ST14: variants seen among roughly 807,000 people sequenced by gnomAD.
ST14 encodes the protein ST14 transmembrane serine protease matriptase, also known as suppressor of tumorigenicity 14 protein.
Under a neutral mutation model 96.5 loss-of-function variants are expected in ST14, and 40 were observed. That is an observed-to-expected ratio of 0.41 (90% CI 0.32 to 0.54). The LOEUF is 0.54. Among genes scored for constraint, ST14 ranks in the 20% least tolerant of loss-of-function variants. ST14 has a pLI of 0.17. For synonymous variants in ST14, 506 were observed against 492.1 expected (o/e 1.03, Z -0.37); for missense variants, 1,066 against 1,188.9 (o/e 0.90, Z 1.52).
intron 7 of ST14, among the ~76,000 whole-genome samples, chr11:130,190,904 A>G (rs1224355291): frequency 6.6e-6 from 1 of 152,274 alleles, no homozygotes. Context: ...GGCAAAGCAG[A>G]GGAAGGCTCT....
chr11:130,161,781 T>TGCCGAGTTAGTTCA (rs1953000731), intron 1 of ST14, among the ~76,000 whole-genome samples: 1 of 152,250 alleles, frequency 6.6e-6, no homozygotes, highest in Non-Finnish European at 1.5e-5. Flanking sequence ...TTTATTGAAC[T>TGCCGAGTTAGTTCA]AACTCAGTAC....
chr11:130,169,680 T>G (rs1160044551), intron 1 of ST14, among the ~76,000 whole-genome samples: 2 of 152,168 alleles, frequency 1.3e-5, no homozygotes, highest in Non-Finnish European at 2.9e-5. Flanking sequence ...GATACAGTTT[T>G]ATGAGGTGTG....
intron 16 of ST14, among the ~76,000 whole-genome samples, chr11:130,202,267 C>T (rs999018410): frequency 5.3e-5 from 8 of 152,134 alleles, no homozygotes; most frequent in South Asian, 2.1e-4. Context: ...CTTCTGCCAA[C>T]GAGTAGTGCA....
chr11:130,190,188 G>C (rs372555495), intron 6 of ST14, 40 bp downstream of exon 6: 80 of 1,613,726 alleles, frequency 5.0e-5, no homozygotes, highest in Non-Finnish European at 6.8e-5. Flanking sequence ...GTGGGGAAGA[G>C]GCGGGATGTG....
At chr11:130,190,747 AG>A (rs1953289148) in intron 7 of ST14, 53 bp downstream of exon 7, 9 of 1,518,002 alleles carry the variant, frequency 5.9e-6, no homozygotes, top group South Asian at 3.8e-5. Context: ...GCTGCCCTGT[AG>A]GGGGCCAGCT....
At position 130,184,556 on chromosome 11, in the gene ST14, C is replaced by A. The variant is rs187331472; in HGVS notation, c.82-3558C>A. 5.0e-4 allele frequency among the ~76,000 whole-genome samples: 76 copies of A among 152,312 alleles called. 1 individual carries two copies. The Middle Eastern group carries it at 0.01, about 20-fold the overall frequency. ...TCTTGGAAACATCCTTTCAGTATTT[C>A]TTTGGTAATGGTCTCTTCTCTGCCA... On this transcript the variant is annotated intron_variant, in intron 1 of 18. Coordinates refer to ENST00000278742, the MANE Select transcript of ST14 (RefSeq NM_021978.4).
intron 1 of ST14, among the ~76,000 whole-genome samples, chr11:130,172,272 T>TTTAAA (rs1468368908): frequency 6.6e-6 from 1 of 151,564 alleles, no homozygotes; most frequent in African/African-American, 2.4e-5. Flanking sequence ...AGCTAATTTT[T>TTTAAA]TTAAAAAATT....
intron 7 of ST14, among the ~76,000 whole-genome samples, chr11:130,193,417 C>A (rs1953324826): frequency 6.6e-6 from 1 of 151,884 alleles, no homozygotes; most frequent in Admixed American, 6.6e-5. Context: ...TCTGATTGAG[C>A]CCACAGTTTA....
At position 130,194,588 on chromosome 11, in the gene ST14, C is replaced by G. The variant is rs1448204799; in HGVS notation, c.1016-52C>G. The G allele has an allele frequency of 7.5e-6, 12 of 1,589,976 alleles. No individual in the cohort carries two copies. The East Asian group carries it at 2.7e-4, about 36-fold the overall frequency. ...AGGCTGCAGAGCCCTCGTCCGCCTG[C>G]TCGGCCGGGCAGGTTCCTGATCCTC... On this transcript the variant is annotated intron_variant, in intron 8 of 18. Coordinates refer to ENST00000278742, the MANE Select transcript of ST14 (RefSeq NM_021978.4).
At chr11:130,192,151 G>A (rs1049735858) in intron 7 of ST14, among the ~76,000 whole-genome samples, 7 of 152,220 alleles carry the variant, frequency 4.6e-5, no homozygotes, top group East Asian at 1.9e-4. Flanking sequence ...AGAGCCTTCC[G>A]TGGCTGTCTA....
chr11:130,180,439 A>T (rs755519730), intron 1 of ST14, among the ~76,000 whole-genome samples: 25 of 152,186 alleles, frequency 1.6e-4, no homozygotes, highest in Non-Finnish European at 2.9e-4. Flanking sequence ...TTTGGTTGGA[A>T]TCTTGTGTGG....
At position 130,188,784 on chromosome 11, in the gene ST14, G is replaced by T. The variant is rs924659838; in HGVS notation, c.370-85G>T. On this transcript the variant is annotated intron_variant, in intron 3 of 18. Transcript: ENST00000278742. This position sits in a 1 kb window ranked among gnomAD's most constrained non-coding sequence, Gnocchi z 5.4. ...TGGGGGTGATCTGCAAAGGGGACCC[G>T]GGCCCTGGAGGGGAGGGAGCAGCCC... The T allele has an allele frequency of 1.9e-6, 3 of 1,601,700 alleles. No individual in the cohort carries two copies. The highest frequency in any genetic ancestry group is 8.5e-7 in the Non-Finnish European group (1 of 1,171,690).
rs866270549 is a variant in ST14 at position 130,161,511 on chromosome 11, C to T, written c.81+1451C>T. On this transcript the variant is annotated intron_variant, in intron 1 of 18. Coordinates refer to ENST00000278742, the MANE Select transcript of ST14 (RefSeq NM_021978.4). The stretch of plus-strand genomic sequence containing the variant: ...ACGGGGAAAGCAGGGTCTTCCTGGT[C>T]GTGTGGTCCAGCCTCCTCTCTGAGC... 1.2e-4 allele frequency among the ~76,000 whole-genome samples: 18 copies of T among 152,296 alleles called. No individual in the cohort carries two copies. In the South Asian group the frequency reaches 1.9e-3, roughly 16 times the overall value.
intron 16 of ST14, 65 bp downstream of exon 16, chr11:130,200,202 G>A: frequency 6.3e-7 from 1 of 1,586,648 alleles, no homozygotes; most frequent in South Asian, 1.1e-5. Flanking sequence ...AGTAATGCCA[G>A]GATAGGTTGG....
Position 130,188,631 on chromosome 11 carries a change from A to T in ST14, c.343A>T (p.Ser115Cys), listed in dbSNP as rs1953262899. The T allele has an allele frequency of 6.2e-7, 1 of 1,614,214 alleles. No homozygotes were observed. The highest frequency in any genetic ancestry group is 8.5e-7 in the Non-Finnish European group (1 of 1,180,034). The change falls in exon 3 of 19, where the codon AGC becomes TGC. Residue 115 changes from serine (S) to cysteine (C), a missense_variant. Coordinates refer to ENST00000278742, the MANE Select transcript of ST14 (RefSeq NM_021978.4). The surrounding 1 kb of genome is among the most constrained non-coding windows in gnomAD (Gnocchi z 5.4). ...YENSNSTEFV[S>C]LASKVKDALK... ...GAACTCCAACTCCACTGAGTTTGTA[A>T]GCCTGGCCAGCAAGGTGAAGGACGC...
At chr11:130,191,416 A>G (rs1953298021) in intron 7 of ST14, among the ~76,000 whole-genome samples, 1 of 152,134 alleles carries the variant, frequency 6.6e-6, no homozygotes, top group African/African-American at 2.4e-5. Flanking sequence ...TGGGCCGGGC[A>G]TGGTGGCTCA....
At chr11:130,201,721 A>T (rs1233872951) in intron 16 of ST14, among the ~76,000 whole-genome samples, 3 of 152,244 alleles carry the variant, frequency 2.0e-5, no homozygotes, top group African/African-American at 7.2e-5. Context: ...CTGGGACTAC[A>T]GGCACATGCC....
At chr11:130,163,787 G>C (rs942248842) in intron 1 of ST14, among the ~76,000 whole-genome samples, 14 of 152,198 alleles carry the variant, frequency 9.2e-5, no homozygotes, top group Non-Finnish European at 2.1e-4. Flanking sequence ...TAGGAGTTGA[G>C]AAAACTGAGG....
At chr11:130,184,823 C>T (rs1375426649) in intron 1 of ST14, among the ~76,000 whole-genome samples, 2 of 152,220 alleles carry the variant, frequency 1.3e-5, no homozygotes, top group Admixed American at 1.3e-4. Flanking sequence ...TGAGTCTCTT[C>T]TCCTACGTGT....
Sources: gnomAD v4.1 joint callset for allele counts (sites outside exome capture counted in the v4.1 genomes callset) on GRCh38, gnomAD v4.1.1 for gene constraint, Gnocchi (gnomAD v3.1) non-coding constraint, MANE v1.5 for transcripts, NCBI Gene and HGNC (gene_info 2026-07-23, HGNC 2026-07-21) for gene names.